Variants in CCDC178 observed in about 807,000 individuals in gnomAD.
CCDC178 encodes coiled-coil domain-containing protein 178.
Under a neutral mutation model 117.4 loss-of-function variants are expected in CCDC178, and 126 were observed. The ratio of observed to expected loss-of-function variants is 1.07; its 90% confidence interval spans 0.93 to 1.24. CCDC178 has a LOEUF of 1.24. Ranked by LOEUF, CCDC178 falls within the 50% of genes most tolerant of loss-of-function variation. The pLI, the probability that CCDC178 is intolerant of heterozygous loss-of-function variation, is 0.00. For synonymous variants in CCDC178, 283 were observed against 313.4 expected, an observed-to-expected ratio of 0.90 and a Z score of 1.02; for missense variants, 1,030 against 986.9, an observed-to-expected ratio of 1.04 and a Z score of -0.59.
intron 12 of CCDC178, among the ~76,000 whole-genome samples, chr18:33,286,004 C>T (rs2060094823): frequency 7.1e-6 from 1 of 140,968 alleles, no homozygotes; most frequent in South Asian, 2.2e-4. Flanking sequence ...GATGGAGTCT[C>T]ACTCTGTCAC....
intron 22 of CCDC178, among the ~76,000 whole-genome samples, chr18:32,973,314 G>A (rs1291531326): frequency 2.6e-5 from 4 of 152,044 alleles, no homozygotes; most frequent in African/African-American, 9.7e-5. Flanking sequence ...ATTAGAACAT[G>A]CAGATTACTT....
At chr18:33,435,917 G>A (rs1050275079) in intron 2 of CCDC178, among the ~76,000 whole-genome samples, 4 of 151,922 alleles carry the variant, frequency 2.6e-5, no homozygotes, top group African/African-American at 9.7e-5. Context: ...AAAACCAGGT[G>A]AGCAGAGGAG....
intron 2 of CCDC178, among the ~76,000 whole-genome samples, chr18:33,412,925 C>G (rs1011982129): frequency 3.3e-5 from 5 of 152,018 alleles, no homozygotes; most frequent in Non-Finnish European, 7.4e-5. Context: ...CTGTACTTTA[C>G]CTAAGTAAAT....
intron 20 of CCDC178, among the ~76,000 whole-genome samples, chr18:33,109,686 T>C (rs1418340052): frequency 6.6e-6 from 1 of 151,576 alleles, no homozygotes; most frequent in African/African-American, 2.4e-5. Flanking sequence ...GTTTTGGCTG[T>C]TTTTTATAAT....
At chr18:33,218,879 G>A (rs916840406) in intron 18 of CCDC178, among the ~76,000 whole-genome samples, 6 of 152,066 alleles carry the variant, frequency 3.9e-5, no homozygotes, top group African/African-American at 1.4e-4. Flanking sequence ...TTGAAGTCAG[G>A]TAGCGTGACG....
chr18:33,027,211 C>T (rs965853120), intron 21 of CCDC178, among the ~76,000 whole-genome samples: 10 of 151,360 alleles, frequency 6.6e-5, no homozygotes, highest in South Asian at 4.1e-4. Flanking sequence ...ATCAAGAGTA[C>T]CCATGAAAAG....
chr18:33,435,329 T>C (rs990494529), intron 2 of CCDC178, among the ~76,000 whole-genome samples: 2 of 152,224 alleles, frequency 1.3e-5, no homozygotes, highest in African/African-American at 4.8e-5. Context: ...TATAGGCTAC[T>C]GCATCATAGC....
At chr18:33,417,097 C>A (rs908334973) in intron 2 of CCDC178, among the ~76,000 whole-genome samples, 6 of 152,138 alleles carry the variant, frequency 3.9e-5, no homozygotes, top group Non-Finnish European at 5.9e-5. Flanking sequence ...CAATTGCACT[C>A]TTAAACATAT....
In CCDC178 at chr18:33,267,235, C is replaced by A; in HGVS notation, c.1239G>T (p.Gln413His). The change falls in exon 13 of 23, where the codon CAG becomes CAT. Residue 413 changes from glutamine (Q) to histidine (H), a missense_variant. By Grantham distance (24) the Gln-to-His change is conservative (BLOSUM62 0). Coordinates refer to ENST00000383096, the MANE Select transcript of CCDC178 (RefSeq NM_001105528.4). ...AAAAATCATTAACTGCTTCCAGATA[C>A]TGATTTTCATGACTTTTTTGCTTCC... is the stretch of plus-strand genomic sequence containing the variant. ...LTWKQKSHENQYLEAVNDFYA... is the reference protein window; with the variant it reads ...LTWKQKSHENHYLEAVNDFYA... 1 of 1,602,642 alleles carries A rather than the reference C, an allele frequency of 6.2e-7. No homozygotes were observed. Among genetic ancestry groups the A allele is most frequent in the Non-Finnish European group, 8.5e-7 (1 of 1,176,584 alleles).
chr18:33,123,971 T>C (rs920885651), intron 20 of CCDC178, among the ~76,000 whole-genome samples: 1 of 152,174 alleles, frequency 6.6e-6, no homozygotes, highest in Non-Finnish European at 1.5e-5. Context: ...GGAGCGTGTC[T>C]CTGCAGTAAA....
chr18:33,422,507 A>C (rs1489664126), intron 2 of CCDC178, among the ~76,000 whole-genome samples: 1 of 152,194 alleles, frequency 6.6e-6, no homozygotes, highest in Non-Finnish European at 1.5e-5. Context: ...TAGAACTTTC[A>C]TGATGAAAAT....
intron 9 of CCDC178, among the ~76,000 whole-genome samples, chr18:33,334,123 T>C (rs1410779457): frequency 6.6e-6 from 1 of 151,832 alleles, no homozygotes; most frequent in Admixed American, 6.6e-5. Context: ...CATGAAATAG[T>C]GAAATGAAAA....
At chr18:33,397,325 G>A in intron 3 of CCDC178, 117 bp from the exon 4 acceptor site, 3 of 575,800 alleles carry the variant, frequency 5.2e-6, no homozygotes, top group South Asian at 3.0e-5. Flanking sequence ...AAGACATATA[G>A]GCTAAATTAC....
chr18:33,162,662 T>G (rs2058480399), intron 20 of CCDC178, among the ~76,000 whole-genome samples: 1 of 152,178 alleles, frequency 6.6e-6, no homozygotes, highest in African/African-American at 2.4e-5. Flanking sequence ...TAGCTCCCAT[T>G]TATAAGTGAG....
chr18:33,309,688 T>C (rs1221291078), intron 11 of CCDC178, among the ~76,000 whole-genome samples: 1 of 152,170 alleles, frequency 6.6e-6, no homozygotes, highest in African/African-American at 2.4e-5. Flanking sequence ...ATAAGAATTC[T>C]AATGAATCTA....
At chr18:33,035,644 G>A (rs1487569497) in intron 21 of CCDC178, among the ~76,000 whole-genome samples, 3 of 151,934 alleles carry the variant, frequency 2.0e-5, no homozygotes, top group Admixed American at 1.3e-4. Flanking sequence ...ATGCTGGTCA[G>A]AGAATACAAA....
At chr18:33,110,007 T>TA (rs61642913) in intron 20 of CCDC178, among the ~76,000 whole-genome samples, 4 of 151,396 alleles carry the variant, frequency 2.6e-5, no homozygotes, top group South Asian at 2.1e-4. Flanking sequence ...CGCCAACATT[T>TA]AAAAAAAGAC....
intron 2 of CCDC178, among the ~76,000 whole-genome samples, chr18:33,439,534 T>C (rs1707929840): frequency 6.6e-6 from 1 of 152,210 alleles, no homozygotes; most frequent in Admixed American, 6.5e-5. Context: ...AATACACTAG[T>C]TTCTGTACGA....
At chr18:33,371,844 G>T (rs1338429447) in intron 5 of CCDC178, among the ~76,000 whole-genome samples, 1 of 142,496 alleles carries the variant, frequency 7.0e-6, no homozygotes, top group Non-Finnish European at 1.5e-5. Context: ...AAGACCAAAA[G>T]AACAATCTAG....
Sources: allele counts gnomAD v4.1 joint callset (sites outside exome capture counted in the v4.1 genomes callset), GRCh38; gene constraint gnomAD v4.1.1; transcripts MANE v1.5; gene names NCBI Gene and HGNC (gene_info 2026-07-23, HGNC 2026-07-21).